The following KCNAB1 variants were observed in gnomAD, a reference collection of about 807,000 sequenced individuals.
The protein encoded by KCNAB1 is potassium voltage-gated channel subfamily A regulatory beta subunit 1.
KCNAB1 carries 35 observed loss-of-function variants against 64.6 expected under a neutral mutation model. That is an observed-to-expected ratio of 0.54 (90% CI 0.41 to 0.72). The LOEUF (loss-of-function observed/expected upper bound fraction) is 0.72. KCNAB1 is among the 30% of genes least tolerant of loss of function. KCNAB1 has a pLI of 0.00. For synonymous variants in KCNAB1, 177 were observed against 183.8 expected (o/e 0.96, Z 0.30); for missense variants, 401 against 512.9 (o/e 0.78, Z 2.11).
chr3:156,201,457 A>G (rs1276248604), intron 1 of KCNAB1, among the ~76,000 whole-genome samples: 5 of 152,208 alleles, frequency 3.3e-5, no homozygotes, highest in Non-Finnish European at 2.9e-5. Flanking sequence ...AATCCACACC[A>G]ACACATCATT....
At chr3:156,287,059 G>A (rs1403679438) in intron 1 of KCNAB1, among the ~76,000 whole-genome samples, 3 of 152,094 alleles carry the variant, frequency 2.0e-5, no homozygotes, top group South Asian at 4.1e-4. Flanking sequence ...ACGGGAAGGC[G>A]GGGCAGAGTA....
intron 1 of KCNAB1, among the ~76,000 whole-genome samples, chr3:156,201,223 T>C (rs1576600396): frequency 1.3e-5 from 2 of 152,240 alleles, no homozygotes; most frequent in African/African-American, 4.8e-5. Context: ...TCTGCATTGG[T>C]CTTGCTGGGA....
intron 8 of KCNAB1, among the ~76,000 whole-genome samples, chr3:156,494,026 C>T (rs1226733470): frequency 6.6e-6 from 1 of 152,064 alleles, no homozygotes; most frequent in East Asian, 1.9e-4. Flanking sequence ...TACATTGAAA[C>T]TATGCAAATA....
At chr3:156,409,008 C>A (rs958731759) in intron 1 of KCNAB1, among the ~76,000 whole-genome samples, 1 of 152,020 alleles carries the variant, frequency 6.6e-6, no homozygotes, top group Admixed American at 6.6e-5. Context: ...TTATACTGTC[C>A]AAAAATTAGG....
Position 156,516,334 on chromosome 3 carries a change from G to A in KCNAB1, c.930G>A (p.Gly310=). The A allele has an allele frequency of 6.2e-7, 1 of 1,613,924 alleles. No homozygotes were observed. Among genetic ancestry groups the A allele is most frequent in the East Asian group, 2.2e-5 (1 of 44,880 alleles). ...TCATCTCAGGAAAATACGGAAACGG[G>A]GTGCCTGAAAGTTCCAGGGCTTCAC... is the stretch of plus-strand genomic sequence containing the variant. ...CGIISGKYGN[G]VPESSRASLK... is the part of the protein sequence containing the mutation. Residue 310 remains glycine (G), a synonymous_variant, in exon 11 of 14, where the codon GGG becomes GGA. Transcript: ENST00000490337.
At chr3:156,310,569 C>T (rs1483224365) in intron 1 of KCNAB1, among the ~76,000 whole-genome samples, 4 of 151,998 alleles carry the variant, frequency 2.6e-5, no homozygotes, top group African/African-American at 4.8e-5. Flanking sequence ...TTTGGGAGGC[C>T]AAGGGGGGCA....
intron 1 of KCNAB1, among the ~76,000 whole-genome samples, chr3:156,311,669 T>C (rs909874173): frequency 1.3e-5 from 2 of 152,170 alleles, no homozygotes; most frequent in African/African-American, 2.4e-5. Context: ...TCTTTAGCAC[T>C]GAGTGAGTGG....
intron 1 of KCNAB1, among the ~76,000 whole-genome samples, chr3:156,185,953 A>G (rs145259629): frequency 0.016 from 2,403 of 152,264 alleles, 46 homozygotes; most frequent in Non-Finnish European, 0.019. Flanking sequence ...TTCTGTACTG[A>G]TATCTTCCCC....
At chr3:156,338,500 TGG>T (rs1723885557) in intron 1 of KCNAB1, among the ~76,000 whole-genome samples, 1 of 151,828 alleles carries the variant, frequency 6.6e-6, no homozygotes, top group African/African-American at 2.4e-5. Flanking sequence ...TTAGTAGAGA[TGG>T]GGTTTCTCCA....
chr3:156,456,706 C>T (rs936988355), intron 3 of KCNAB1, among the ~76,000 whole-genome samples: 24 of 152,184 alleles, frequency 1.6e-4, no homozygotes, highest in African/African-American at 4.8e-4. Context: ...GTAAGTCAAT[C>T]GGCAAAATGA....
chr3:156,232,236 C>A (rs1340301087), intron 1 of KCNAB1, among the ~76,000 whole-genome samples: 1 of 152,156 alleles, frequency 6.6e-6, no homozygotes, highest in East Asian at 1.9e-4. Context: ...CTCTCATCCC[C>A]ATTGGTTAAG....
chr3:156,261,323 C>A (rs1330678345), intron 1 of KCNAB1, among the ~76,000 whole-genome samples: 2 of 151,792 alleles, frequency 1.3e-5, no homozygotes, highest in African/African-American at 4.8e-5. Context: ...AAGCCAAGAT[C>A]ATAAAGAATT....
At chr3:156,342,256 A>G (rs923267818) in intron 1 of KCNAB1, among the ~76,000 whole-genome samples, 1 of 152,218 alleles carries the variant, frequency 6.6e-6, no homozygotes, top group Non-Finnish European at 1.5e-5. Context: ...ACTACACTTC[A>G]GGGTTGGGGA....
At chr3:156,377,945 A>G (rs1050423855) in intron 1 of KCNAB1, among the ~76,000 whole-genome samples, 5 of 152,072 alleles carry the variant, frequency 3.3e-5, no homozygotes, top group Non-Finnish European at 7.4e-5. Flanking sequence ...ATGCAGAGAG[A>G]CACTGTCAGT....
At chr3:156,394,124 G>A (rs568400754) in intron 1 of KCNAB1, among the ~76,000 whole-genome samples, 1 of 152,282 alleles carries the variant, frequency 6.6e-6, no homozygotes, top group South Asian at 2.1e-4. Context: ...TGAGAATAAT[G>A]AATATAATGG....
chr3:156,476,568 CACACACACACATATAT>C (rs563300726), intron 8 of KCNAB1, among the ~76,000 whole-genome samples: 1,938 of 151,244 alleles, frequency 0.013, 47 homozygotes, highest in African/African-American at 0.045. Flanking sequence ...CACATATACA[CACACACACACATATAT>C]ACACACACAC....
At chr3:156,454,654 C>A (rs3755631) in intron 3 of KCNAB1, among the ~76,000 whole-genome samples, 1 of 151,970 alleles carries the variant, frequency 6.6e-6, no homozygotes, top group Non-Finnish European at 1.5e-5. Flanking sequence ...GCCACAGAAA[C>A]CAGAGCACAG....
chr3:156,536,545 C>A, intron 13 of KCNAB1, 113 bp from the exon 14 acceptor site: 1 of 757,294 alleles, frequency 1.3e-6, no homozygotes, highest in South Asian at 1.5e-5. Context: ...TAGATTTCAG[C>A]TGTGGTTTAT....
intron 1 of KCNAB1, among the ~76,000 whole-genome samples, chr3:156,225,955 T>G (rs1716132781): frequency 6.6e-6 from 1 of 152,176 alleles, no homozygotes. Context: ...ACACATCCCA[T>G]GCTCATGGAT....
Sources: gnomAD v4.1 joint callset for allele counts (sites outside exome capture counted in the v4.1 genomes callset) on GRCh38, gnomAD v4.1.1 for gene constraint, MANE v1.5 for transcripts, NCBI Gene and HGNC (gene_info 2026-07-23, HGNC 2026-07-21) for gene names.